Variants in SND1 observed in about 807,000 individuals in gnomAD.
SND1 encodes staphylococcal nuclease domain-containing protein 1.
In SND1, 38 loss-of-function variants were observed where a neutral mutation model predicts 121.7. That is an observed-to-expected ratio of 0.31 (90% CI 0.24 to 0.41). The LOEUF (loss-of-function observed/expected upper bound fraction) is 0.41, where lower values mean the gene tolerates loss of function less well. Among genes scored for constraint, SND1 ranks in the 10% least tolerant of loss-of-function variants. The pLI, the probability that SND1 is intolerant of heterozygous loss-of-function variation, is 1.00. For missense variants in SND1, 868 were observed against 1,184.6 expected (o/e 0.73, Z 3.92); for synonymous variants, 401 against 447.4 (o/e 0.90, Z 1.31).
At chr7:127,866,635 A>C (rs1001300059) in intron 12 of SND1, among the ~76,000 whole-genome samples, 2 of 152,104 alleles carry the variant, frequency 1.3e-5, no homozygotes, top group Non-Finnish European at 2.9e-5. Context: ...CCCCTCTTCA[A>C]ATCTTGCTGC....
At chr7:128,035,595 A>T (rs1324069920) in intron 16 of SND1, among the ~76,000 whole-genome samples, 1 of 152,166 alleles carries the variant, frequency 6.6e-6, no homozygotes, top group East Asian at 1.9e-4. Context: ...GTCCTTTTTG[A>T]CCTCAGTTCC....
intron 15 of SND1, among the ~76,000 whole-genome samples, chr7:127,975,787 T>C (rs1193324909): frequency 6.6e-6 from 1 of 152,190 alleles, no homozygotes; most frequent in Non-Finnish European, 1.5e-5. Context: ...CTTTCTTCTG[T>C]GCGCTGTAGC....
intron 16 of SND1, among the ~76,000 whole-genome samples, chr7:128,020,556 G>A (rs996525732): frequency 1.3e-5 from 2 of 152,210 alleles, no homozygotes; most frequent in Non-Finnish European, 2.9e-5. Flanking sequence ...TAACTTGGAA[G>A]TTCTCATTGC....
intron 10 of SND1, among the ~76,000 whole-genome samples, chr7:127,777,640 A>G (rs971374268): frequency 9.9e-5 from 15 of 152,232 alleles, no homozygotes; most frequent in Non-Finnish European, 1.5e-4. Flanking sequence ...TTTAGTGTGG[A>G]AAGTATGCAA....
At chr7:127,992,185 C>G (rs1015907887) in intron 16 of SND1, among the ~76,000 whole-genome samples, 1 of 152,172 alleles carries the variant, frequency 6.6e-6, no homozygotes, top group South Asian at 2.1e-4. Context: ...TCATCAGATT[C>G]ACATTGCCCT....
chr7:127,877,276 T>C (rs779332361), intron 12 of SND1, among the ~76,000 whole-genome samples: 4 of 152,192 alleles, frequency 2.6e-5, no homozygotes, highest in Non-Finnish European at 5.9e-5. Context: ...TTTGATGTTA[T>C]GCCTTCTTCC....
intron 12 of SND1, among the ~76,000 whole-genome samples, chr7:127,884,159 T>C (rs1333933664): frequency 6.6e-6 from 1 of 152,186 alleles, no homozygotes; most frequent in Non-Finnish European, 1.5e-5. Context: ...CCTTTGGACA[T>C]GTCTCCTATT....
At chr7:127,783,993 A>C (rs1201458992) in intron 10 of SND1, among the ~76,000 whole-genome samples, 1 of 152,226 alleles carries the variant, frequency 6.6e-6, no homozygotes, top group Non-Finnish European at 1.5e-5. Context: ...CATCTAATGG[A>C]TATTCCAAGG....
At chr7:127,778,476 C>T (rs1212965667) in intron 10 of SND1, among the ~76,000 whole-genome samples, 1 of 152,172 alleles carries the variant, frequency 6.6e-6, no homozygotes, top group Non-Finnish European at 1.5e-5. Flanking sequence ...GGATTACAGG[C>T]GTGAGCCACC....
intron 16 of SND1, among the ~76,000 whole-genome samples, chr7:128,064,136 C>T (rs1468582790): frequency 6.6e-6 from 1 of 152,162 alleles, no homozygotes; most frequent in Non-Finnish European, 1.5e-5. Context: ...TTCCTCTTCA[C>T]TGAAGCCCTT....
Position 128,089,480 on chromosome 7 carries a change from C to CT in SND1, c.2419-8dup, listed in dbSNP as rs765232216. ...GGCTTGCTCTGACCTGAGTGTGTCT[C>CT]TGCTCCAGGATGATGCCCGCACGGA... On this transcript the variant is annotated splice_polypyrimidine_tract_variant and intron_variant, in intron 21 of 23. Transcript: ENST00000354725. 1 of 1,605,172 alleles carries CT rather than the reference C, an allele frequency of 6.2e-7. No individual in the cohort carries two copies. The highest frequency in any genetic ancestry group is 1.1e-5 in the South Asian group (1 of 90,242).
intron 12 of SND1, among the ~76,000 whole-genome samples, chr7:127,873,870 T>C (rs1799641109): frequency 6.6e-6 from 1 of 152,158 alleles, no homozygotes; most frequent in Non-Finnish European, 1.5e-5. Context: ...AAGATCCTTC[T>C]GGTTGCAAGA....
intron 15 of SND1, among the ~76,000 whole-genome samples, chr7:127,957,180 CT>C (rs1233932995): frequency 6.6e-6 from 1 of 152,180 alleles, no homozygotes; most frequent in African/African-American, 2.4e-5. Context: ...TCAAAGGTAT[CT>C]TGTTATGTTG....
In SND1 at chr7:127,779,193, CAT is replaced by C. The variant is rs58350623; in HGVS notation, c.1153-28288_1153-28287del. ...TTTCTTCTGACGTGAATGGTAGTGACATATTACACTAGAGCAGATCATGAAAG... is the reference window on the plus strand; with the variant it reads ...TTTCTTCTGACGTGAATGGTAGTGACATTACACTAGAGCAGATCATGAAAG... On this transcript the variant is annotated intron_variant, in intron 10 of 23. Transcript: ENST00000354725. Among the ~76,000 whole-genome samples, 549 of 152,244 alleles carry C rather than the reference CAT, an allele frequency of 3.6e-3. 1 individual carries two copies. Among genetic ancestry groups the C allele is most frequent in the African/African-American group, 0.012 (514 of 41,542 alleles).
At chr7:127,740,939 C>T (rs1796870627) in intron 10 of SND1, among the ~76,000 whole-genome samples, 1 of 152,206 alleles carries the variant, frequency 6.6e-6, no homozygotes, top group Admixed American at 6.5e-5. Flanking sequence ...TTCTTTTACA[C>T]TTTGGAGAAT....
chr7:127,973,594 AG>A (rs1214327228), intron 15 of SND1, among the ~76,000 whole-genome samples: 3 of 152,186 alleles, frequency 2.0e-5, no homozygotes, highest in African/African-American at 7.2e-5. Flanking sequence ...ACCTGAGGTG[AG>A]GTGGTCTCTA....
At chr7:127,685,549 CT>C (rs1453005626) in intron 1 of SND1, among the ~76,000 whole-genome samples, 1 of 152,144 alleles carries the variant, frequency 6.6e-6, no homozygotes, top group Non-Finnish European at 1.5e-5. Context: ...CCTTATGTGT[CT>C]TCTTCCCTTC....
At chr7:127,990,901 TAG>T in intron 15 of SND1, 44 bp from the exon 16 acceptor site, 1 of 1,409,730 alleles carries the variant, frequency 7.1e-7, no homozygotes, top group Non-Finnish European at 9.9e-7. Flanking sequence ...ACAGCAAGCC[TAG>T]TGGGCACCTT....
intron 15 of SND1, among the ~76,000 whole-genome samples, chr7:127,939,376 TA>T (rs1469305126): frequency 2.6e-5 from 4 of 152,072 alleles, no homozygotes; most frequent in Non-Finnish European, 5.9e-5. Flanking sequence ...TGTTTCAGGG[TA>T]AAAGAGAGAG....
Sources: gnomAD v4.1 joint callset for allele counts (sites outside exome capture counted in the v4.1 genomes callset) on GRCh38, gnomAD v4.1.1 for gene constraint, MANE v1.5 for transcripts, NCBI Gene and HGNC (gene_info 2026-07-23, HGNC 2026-07-21) for gene names.